Variants in WDR49 observed in about 807,000 individuals in gnomAD.
WDR49 encodes the protein WD repeat domain 49, also known as cilia- and flagella-associated protein 337.
In WDR49, 107 loss-of-function variants were observed where a neutral mutation model predicts 119.5. That is an observed-to-expected ratio of 0.90 (90% CI 0.77 to 1.05). The LOEUF is 1.05. Among genes scored for constraint, WDR49 ranks in the 50% least tolerant of loss-of-function variants. The pLI is 0.00. For synonymous variants in WDR49, 425 were observed against 418.8 expected, an observed-to-expected ratio of 1.01 and a Z score of -0.18; for missense variants, 1,240 against 1,220.5, an observed-to-expected ratio of 1.02 and a Z score of -0.24.
chr3:167,554,099 A>T (rs1304390430), intron 10 of WDR49, among the ~76,000 whole-genome samples: 2 of 152,116 alleles, frequency 1.3e-5, no homozygotes, highest in Non-Finnish European at 2.9e-5. Flanking sequence ...AGTGCCACAG[A>T]ACTGTTTATG....
chr3:167,614,579 TA>T (rs1163991566), intron 5 of WDR49, among the ~76,000 whole-genome samples: 1 of 152,234 alleles, frequency 6.6e-6, no homozygotes, highest in Non-Finnish European at 1.5e-5. Context: ...ATTTTTCCAT[TA>T]AAATATGACA....
At chr3:167,627,527 TGTATC>T (rs1487902074) in intron 2 of WDR49, among the ~76,000 whole-genome samples, 1 of 152,110 alleles carries the variant, frequency 6.6e-6, no homozygotes, top group African/African-American at 2.4e-5. Flanking sequence ...CAAAAGTCCT[TGTATC>T]GGGAAGAGTA....
At chr3:167,569,819 T>A (rs932855786) in intron 8 of WDR49, among the ~76,000 whole-genome samples, 2 of 152,190 alleles carry the variant, frequency 1.3e-5, no homozygotes, top group African/African-American at 2.4e-5. Flanking sequence ...GTGGAAGTCG[T>A]AAAACTCGTT....
Position 167,557,741 on chromosome 3 carries a change from A to AGACTC in WDR49, c.1674+2318_1674+2322dup, listed in dbSNP as rs767224318. Among the ~76,000 whole-genome samples, 213 of 139,420 alleles carry AGACTC rather than the reference A, an allele frequency of 1.5e-3. 2 individuals are homozygous for AGACTC. Among genetic ancestry groups the AGACTC allele is most frequent in the South Asian group, 1.7e-3 (7 of 4,162 alleles). The allele number at this position is 139,420 out of a possible 152,430, so 91.5% of individuals were successfully genotyped here. On this transcript the variant is annotated intron_variant, in intron 9 of 18. Coordinates refer to ENST00000682715, the MANE Select transcript of WDR49 (RefSeq NM_001366157.1). ...GCACTGCAGCCTGGGCAACAGAGCGAGACTCCGTCTCAAAAAAAAAAAAAA... is the reference window on the plus strand; with the variant it reads ...GCACTGCAGCCTGGGCAACAGAGCGAGACTCGACTCCGTCTCAAAAAAAAAAAAAA...
chr3:167,643,013 A>G (rs897235611), intron 2 of WDR49, among the ~76,000 whole-genome samples: 3 of 152,076 alleles, frequency 2.0e-5, no homozygotes, highest in Non-Finnish European at 1.5e-5. Context: ...AGAAAGAAAA[A>G]TGCCATACTG....
intron 2 of WDR49, among the ~76,000 whole-genome samples, chr3:167,644,438 T>C (rs1718026065): frequency 6.6e-6 from 1 of 152,146 alleles, no homozygotes; most frequent in Admixed American, 6.5e-5. Context: ...TTTTTTATTT[T>C]AGAATATGAT....
At chr3:167,578,961 T>A (rs1714389931) in intron 7 of WDR49, among the ~76,000 whole-genome samples, 1 of 152,112 alleles carries the variant, frequency 6.6e-6, no homozygotes, top group Non-Finnish European at 1.5e-5. Context: ...ACAATATCAT[T>A]TTGAATCCTA....
chr3:167,638,406 C>T (rs1378817622), intron 2 of WDR49, among the ~76,000 whole-genome samples: 4 of 151,506 alleles, frequency 2.6e-5, no homozygotes, highest in African/African-American at 7.3e-5. Context: ...TGAGTATACA[C>T]TATCAAAATG....
At chr3:167,627,933 C>G (rs991490707) in intron 2 of WDR49, among the ~76,000 whole-genome samples, 5 of 152,024 alleles carry the variant, frequency 3.3e-5, no homozygotes, top group African/African-American at 1.2e-4. Flanking sequence ...ATCCCTACTT[C>G]GTATCCCTGT....
In WDR49 at chr3:167,602,135, T is replaced by C; in HGVS notation, c.1267A>G (p.Lys423Glu). The change falls in exon 7 of 19, where the codon AAG becomes GAG. Residue 423 changes from lysine to glutamate, a missense_variant. Physicochemically the swap from Lys to Glu is moderately conservative, Grantham distance 56. Transcript: ENST00000682715. Reference protein sequence around the residue: ...VERKQLFSFSKDKVLRLWDIQ... With the variant: ...VERKQLFSFSEDKVLRLWDIQ... ...AGCACAATGTTACTTACTTTATCCTTGGAGAAGCTGAAAAGTTGTTTTCTT... is the reference window on the plus strand; with the variant it reads ...AGCACAATGTTACTTACTTTATCCTCGGAGAAGCTGAAAAGTTGTTTTCTT... The C allele has an allele frequency of 1.3e-6, 2 of 1,596,688 alleles. No homozygotes were observed. The highest frequency in any genetic ancestry group is 1.7e-5 in the Admixed American group (1 of 59,706).
chr3:167,482,971 T>G (rs1032508258), intron 18 of WDR49, among the ~76,000 whole-genome samples: 9 of 150,710 alleles, frequency 6.0e-5, no homozygotes, highest in Non-Finnish European at 1.2e-4. Context: ...TTTAACAAAA[T>G]AAAAGTAAGC....
At chr3:167,640,260 G>A (rs189488547) in intron 2 of WDR49, among the ~76,000 whole-genome samples, 1 of 151,706 alleles carries the variant, frequency 6.6e-6, no homozygotes, top group South Asian at 2.1e-4. Flanking sequence ...CCACCACCTC[G>A]AGAATCTCTT....
rs959193558 is a variant in WDR49 at position 167,489,723 on chromosome 3, A to G, written c.3031+10430T>C. ...AATTGGCAACTAACTATATCAGCTG[A>G]ACAACAGTGGCAAAACTCACAAAGA... is the stretch of plus-strand genomic sequence containing the variant. On this transcript the variant is annotated intron_variant, in intron 18 of 18. Coordinates refer to ENST00000682715, the MANE Select transcript of WDR49 (RefSeq NM_001366157.1). 2.0e-5 allele frequency among the ~76,000 whole-genome samples: 3 copies of G among 152,082 alleles called. No homozygotes were observed. The East Asian group carries it at 5.8e-4, about 29-fold the overall frequency.
At chr3:167,510,444 T>C (rs1188986893) in intron 16 of WDR49, among the ~76,000 whole-genome samples, 1 of 152,150 alleles carries the variant, frequency 6.6e-6, no homozygotes, top group Non-Finnish European at 1.5e-5. Flanking sequence ...CCTTCACTTA[T>C]TTATTTTTTT....
chr3:167,528,959 G>T, intron 14 of WDR49, 93 bp downstream of exon 14: 10 of 1,070,368 alleles, frequency 9.3e-6, no homozygotes, highest in African/African-American at 4.8e-5. Flanking sequence ...TTTTTCCTTT[G>T]TTTAGGAGAC....
At chr3:167,603,097 C>CTTTTGA (rs1395260011) in intron 6 of WDR49, among the ~76,000 whole-genome samples, 1 of 152,114 alleles carries the variant, frequency 6.6e-6, no homozygotes, top group African/African-American at 2.4e-5. Context: ...CACAAATATA[C>CTTTTGA]TTTTGACCTG....
intron 2 of WDR49, chr3:167,633,648 T>G (rs1717478059): frequency 2.7e-6 from 1 of 366,100 alleles, no homozygotes. Flanking sequence ...TTTCATTAGA[T>G]TCAATACTGA....
At chr3:167,540,506 C>T (rs1003448821) in intron 10 of WDR49, among the ~76,000 whole-genome samples, 15 of 152,150 alleles carry the variant, frequency 9.9e-5, no homozygotes, top group Non-Finnish European at 1.9e-4. Context: ...CAGTGCACCA[C>T]AGCAAGGGAC....
chr3:167,499,394 A>AT (rs1367961479), intron 18 of WDR49, among the ~76,000 whole-genome samples: 2 of 152,060 alleles, frequency 1.3e-5, no homozygotes, highest in Non-Finnish European at 2.9e-5. Context: ...TTTAATTCTG[A>AT]TTTTTTCTGA....
Sources: gnomAD v4.1 joint callset for allele counts (sites outside exome capture counted in the v4.1 genomes callset) on GRCh38, gnomAD v4.1.1 for gene constraint, MANE v1.5 for transcripts, NCBI Gene and HGNC (gene_info 2026-07-23, HGNC 2026-07-21) for gene names.